CNMD: variants seen among roughly 807,000 people sequenced by gnomAD.
CNMD encodes leukocyte cell-derived chemotaxin 1.
CNMD carries 30 observed loss-of-function variants against 37.5 expected under a neutral mutation model. The observed-to-expected ratio is 0.80, with a 90% CI of 0.60 to 1.09. The LOEUF (loss-of-function observed/expected upper bound fraction) is 1.09. CNMD is among the 50% of genes least tolerant of loss of function. The pLI is 0.00. For missense variants in CNMD, 398 were observed against 423.9 expected, an observed-to-expected ratio of 0.94 and a Z score of 0.54; for synonymous variants, 167 against 148.2, an observed-to-expected ratio of 1.13 and a Z score of -0.92.
intron 6 of CNMD, among the ~76,000 whole-genome samples, chr13:52,707,056 C>G (rs527694472): frequency 6.6e-6 from 1 of 152,052 alleles, no homozygotes; most frequent in South Asian, 2.1e-4. Context: ...ACTGTGCCAG[C>G]TAATTTTTTG....
chr13:52,708,147 G>A (rs1964220738), intron 6 of CNMD, among the ~76,000 whole-genome samples: 1 of 151,446 alleles, frequency 6.6e-6, no homozygotes, highest in African/African-American at 2.4e-5. Flanking sequence ...ATACTTATAT[G>A]CGCGTTTGAA....
intron 4 of CNMD, among the ~76,000 whole-genome samples, chr13:52,713,299 A>G (rs1047313377): frequency 1.1e-4 from 16 of 152,226 alleles, no homozygotes; most frequent in African/African-American, 3.6e-4. Context: ...ACAACAATGG[A>G]AAAAGCAAGT....
chr13:52,724,025 A>C lies in CNMD; in HGVS notation c.440T>G (p.Val147Gly). ...VKARIPEVGA[V>G]TKQSISSKLE... The stretch of plus-strand genomic sequence containing the variant: ...TTTGGAGGAGATGCTCTGTTTGGTC[A>C]CGGCGCCCACCTCAGGAATACGAGC... The change falls in exon 4 of 7, where the codon GTG becomes GGG. Residue 147 changes from valine to glycine, a missense_variant. By Grantham distance (109) the Val-to-Gly change is moderately radical. Transcript: ENST00000377962. 6.2e-7 allele frequency: 1 copy of C among 1,613,786 alleles called. No individual in the cohort carries two copies. The highest frequency in any genetic ancestry group is 8.5e-7 in the Non-Finnish European group (1 of 1,179,690).
At chr13:52,714,875 A>G (rs1486472432) in intron 4 of CNMD, among the ~76,000 whole-genome samples, 1 of 152,144 alleles carries the variant, frequency 6.6e-6, no homozygotes, top group African/African-American at 2.4e-5. Flanking sequence ...TTTCCCTAAG[A>G]TGTCCCAGTA....
rs751789200 is a variant in CNMD, at chr13:52,739,743, C to A, written c.-42G>T. 6.5e-7 allele frequency: 1 copy of A among 1,532,404 alleles called. No homozygotes were observed. Among genetic ancestry groups the A allele is most frequent in the Non-Finnish European group, 9.0e-7 (1 of 1,106,352 alleles). 94.9% of individuals were successfully genotyped at this position (1,532,404 alleles called of 1,614,324 possible). A position where few individuals can be genotyped will look rare whatever the true frequency, so the allele number is the denominator to read the frequency against. On this transcript the variant is annotated 5_prime_UTR_variant, in exon 1 of 7. Coordinates refer to ENST00000377962, the MANE Select transcript of CNMD (RefSeq NM_007015.3). This position sits in a 1 kb window ranked among gnomAD's most constrained non-coding sequence, Gnocchi z 5.4. Reference sequence around the variant, plus strand: ...GTGAGGCACTTGGAGACTCCCTGGGCACCCTGGGATCTGTCCCGCTGCCCC... The same window carrying A: ...GTGAGGCACTTGGAGACTCCCTGGGAACCCTGGGATCTGTCCCGCTGCCCC...
chr13:52,704,542 C>T (rs1447571656), intron 6 of CNMD, among the ~76,000 whole-genome samples: 1 of 152,084 alleles, frequency 6.6e-6, no homozygotes, highest in Admixed American at 6.6e-5. Context: ...GAAGGAACTC[C>T]CATCCCTCCA....
intron 6 of CNMD, among the ~76,000 whole-genome samples, chr13:52,705,598 A>G (rs3931491): frequency 0.93 from 141,195 of 152,212 alleles, 65,608 homozygotes; most frequent in East Asian, 0.99. Context: ...TGAGGACCTG[A>G]CAAAAGTTTT....
At chr13:52,734,347 C>A (rs1363857116) in intron 2 of CNMD, among the ~76,000 whole-genome samples, 1 of 152,174 alleles carries the variant, frequency 6.6e-6, no homozygotes, top group Admixed American at 6.5e-5. Context: ...AGTGGCTCTG[C>A]TTTTTCTGTC....
Position 52,708,530 on chromosome 13 carries a change from A to G in CNMD, c.789+6T>C. 5.6e-6 allele frequency: 9 copies of G among 1,604,310 alleles called. No individual in the cohort carries two copies. Among genetic ancestry groups the G allele is most frequent in the Non-Finnish European group, 7.6e-6 (9 of 1,177,116 alleles). On this transcript the variant is annotated splice_donor_region_variant and intron_variant, in intron 6 of 6. Coordinates refer to ENST00000377962, the MANE Select transcript of CNMD (RefSeq NM_007015.3). The stretch of plus-strand genomic sequence containing the variant: ...TCTAATCATGTCAAAAAGCACCGGA[A>G]CGCACATGATAAGGATTATCAGGAT...
intron 3 of CNMD, among the ~76,000 whole-genome samples, chr13:52,729,595 A>T (rs1028033383): frequency 2.6e-5 from 4 of 152,186 alleles, no homozygotes; most frequent in African/African-American, 4.8e-5. Flanking sequence ...GTTTGACTTT[A>T]TATCTTCTAG....
At chr13:52,728,889 A>G (rs989360813) in intron 3 of CNMD, among the ~76,000 whole-genome samples, 1 of 152,156 alleles carries the variant, frequency 6.6e-6, no homozygotes, top group Admixed American at 6.5e-5. Context: ...TACCGTGTCT[A>G]GCAAAAACTC....
At position 52,739,604 on chromosome 13, in the gene CNMD, C is replaced by A; in HGVS notation, c.72+26G>T. On this transcript the variant is annotated intron_variant, in intron 1 of 6. Transcript: ENST00000377962. This position sits in a 1 kb window ranked among gnomAD's most constrained non-coding sequence, Gnocchi z 5.4. ...TGATACTCACACAACCCAGGCCCTG[C>A]GTGTGGAATCCCTGGCGGTACTCAC... The A allele has an allele frequency of 6.2e-7, 1 of 1,600,628 alleles. No homozygotes were observed. Among genetic ancestry groups the A allele is most frequent in the African/African-American group, 1.3e-5 (1 of 74,768 alleles).
At chr13:52,711,730 G>A (rs1391781629) in intron 5 of CNMD, among the ~76,000 whole-genome samples, 2 of 152,134 alleles carry the variant, frequency 1.3e-5, no homozygotes, top group Admixed American at 6.5e-5. Context: ...TATACATAAC[G>A]AAATTTACCA....
chr13:52,737,238 A>T (rs1964785334), intron 2 of CNMD, among the ~76,000 whole-genome samples: 2 of 152,190 alleles, frequency 1.3e-5, no homozygotes, highest in African/African-American at 4.8e-5. Flanking sequence ...TGCATGTGCT[A>T]TGCCTAGGTG....
At chr13:52,714,979 G>A (rs901212605) in intron 4 of CNMD, among the ~76,000 whole-genome samples, 12 of 151,984 alleles carry the variant, frequency 7.9e-5, no homozygotes, top group Non-Finnish European at 1.6e-4. Context: ...TAATATTTTA[G>A]TCAAGATTCT....
intron 5 of CNMD, among the ~76,000 whole-genome samples, chr13:52,709,403 T>C (rs1210813207): frequency 6.6e-6 from 1 of 152,238 alleles, no homozygotes; most frequent in Admixed American, 6.5e-5. Context: ...AAATATTCTG[T>C]TAATTGTAGC....
At chr13:52,724,967 C>G (rs1964548749) in intron 3 of CNMD, among the ~76,000 whole-genome samples, 1 of 152,108 alleles carries the variant, frequency 6.6e-6, no homozygotes, top group Non-Finnish European at 1.5e-5. Context: ...AAAAATAAGA[C>G]AGGAATGATG....
chr13:52,703,947 CCTGTCATTCATAATTCATGTTCACTG>C (rs947037538), intron 6 of CNMD, 137 bp from the exon 7 acceptor site: 4 of 666,060 alleles, frequency 6.0e-6, no homozygotes, highest in East Asian at 2.8e-5. Context: ...TCTTGTTTAC[CCTGTCATTCATAATTCATGTTCACTG>C]CTGTCATTCA....
chr13:52,727,510 A>T (rs1964594437), intron 3 of CNMD, among the ~76,000 whole-genome samples: 1 of 152,186 alleles, frequency 6.6e-6, no homozygotes, highest in Non-Finnish European at 1.5e-5. Flanking sequence ...AAAAAATTTT[A>T]AAAATTAGCT....
Sources: allele counts gnomAD v4.1 joint callset (sites outside exome capture counted in the v4.1 genomes callset), GRCh38; gene constraint gnomAD v4.1.1; non-coding constraint Gnocchi (gnomAD v3.1); transcripts MANE v1.5; gene names NCBI Gene and HGNC (gene_info 2026-07-23, HGNC 2026-07-21).